Variants in KIAA1549 observed in about 807,000 individuals in gnomAD.
KIAA1549 encodes the protein UPF0606 protein KIAA1549.
KIAA1549 carries 70 observed loss-of-function variants against 156.4 expected under a neutral mutation model. The observed-to-expected ratio is 0.45, with a 90% confidence interval of 0.37 to 0.55. The LOEUF (loss-of-function observed/expected upper bound fraction) is 0.55. Among genes scored for constraint, KIAA1549 ranks in the 20% least tolerant of loss-of-function variants. The pLI, the probability that KIAA1549 is intolerant of heterozygous loss-of-function variation, is 0.00. For missense variants in KIAA1549, 2,428 were observed against 2,540.9 expected (o/e 0.96, Z 0.96); for synonymous variants, 1,103 against 1,066.4 (o/e 1.03, Z -0.67).
chr7:138,874,946 G>C (rs1479228500), intron 12 of KIAA1549, among the ~76,000 whole-genome samples: 1 of 152,106 alleles, frequency 6.6e-6, no homozygotes, highest in East Asian at 1.9e-4. Context: ...AGTGAGCCAT[G>C]ACTGCACCAC....
In KIAA1549 at chr7:138,833,466, G is replaced by T. The variant is rs536839080; in HGVS notation, c.*4440C>A. ...TCCTATAGCACAGAACCGCGTGCTG[G>T]CTTTAGCCCAAAGCCTTTAGCGCCT... On this transcript the variant is annotated 3_prime_UTR_variant, in exon 20 of 20. Transcript: ENST00000422774. 6.4e-5 allele frequency: 15 copies of T among 232,692 alleles called. No homozygotes were observed. Among genetic ancestry groups the T allele is most frequent in the African/African-American group, 3.3e-4 (15 of 45,434 alleles). 14.4% of individuals were successfully genotyped at this position (232,692 alleles called of 1,614,324 possible).
At chr7:138,980,348 C>T (rs1814508693) in intron 1 of KIAA1549, among the ~76,000 whole-genome samples, 1 of 152,236 alleles carries the variant, frequency 6.6e-6, no homozygotes, top group African/African-American at 2.4e-5. Flanking sequence ...ACAACAAAAC[C>T]CTTATGCTTC....
intron 1 of KIAA1549, among the ~76,000 whole-genome samples, chr7:138,924,485 A>C (rs1258527425): frequency 6.6e-6 from 1 of 152,184 alleles, no homozygotes; most frequent in Non-Finnish European, 1.5e-5. Context: ...TTTAGTGGCT[A>C]ATTTATGAAC....
intron 10 of KIAA1549, among the ~76,000 whole-genome samples, chr7:138,887,070 T>C (rs981662143): frequency 6.6e-6 from 1 of 152,034 alleles, no homozygotes; most frequent in African/African-American, 2.4e-5. Flanking sequence ...TCTGGCTAAC[T>C]TTTATGTACA....
At chr7:138,885,300 C>G (rs139674381) in intron 10 of KIAA1549, among the ~76,000 whole-genome samples, 1 of 152,118 alleles carries the variant, frequency 6.6e-6, no homozygotes, top group Non-Finnish European at 1.5e-5. Flanking sequence ...AGGGGTCCCA[C>G]GTAGGGCAGA....
chr7:138,914,344 A>G (rs1267089969), intron 2 of KIAA1549, among the ~76,000 whole-genome samples: 1 of 152,216 alleles, frequency 6.6e-6, no homozygotes, highest in East Asian at 1.9e-4. Context: ...TCCTAAATGA[A>G]TGTTTCCCAG....
chr7:138,850,059 T>C (rs530761754), intron 17 of KIAA1549, among the ~76,000 whole-genome samples: 52 of 152,350 alleles, frequency 3.4e-4, no homozygotes, highest in African/African-American at 1.2e-3. Context: ...GAACAATTTA[T>C]ATTCCTTTGT....
intron 17 of KIAA1549, among the ~76,000 whole-genome samples, chr7:138,851,279 G>T (rs1810224426): frequency 6.6e-6 from 1 of 151,612 alleles, no homozygotes; most frequent in Non-Finnish European, 1.5e-5. Flanking sequence ...CCTTCTTTTG[G>T]ATTATCTTTA....
chr7:138,903,792 A>AGTGT (rs55745123), intron 7 of KIAA1549, 56 bp from the exon 8 acceptor site: 333 of 1,197,106 alleles, frequency 2.8e-4, no homozygotes, highest in Admixed American at 1.2e-3. Context: ...GTAAAAAAAC[A>AGTGT]GTGTGTGTGT....
At chr7:138,870,862 G>T (rs1469752542) in intron 13 of KIAA1549, among the ~76,000 whole-genome samples, 1 of 152,182 alleles carries the variant, frequency 6.6e-6, no homozygotes, top group African/African-American at 2.4e-5. Flanking sequence ...CTGTCAACCA[G>T]GCTGGAGTGC....
At chr7:138,848,032 T>C (rs192431531) in intron 17 of KIAA1549, among the ~76,000 whole-genome samples, 70 of 152,380 alleles carry the variant, frequency 4.6e-4, no homozygotes, top group African/African-American at 1.6e-3. Context: ...TGATTTTACA[T>C]CGTTATTTTG....
intron 15 of KIAA1549, among the ~76,000 whole-genome samples, chr7:138,861,679 C>G (rs537016930): frequency 2.0e-5 from 3 of 149,512 alleles, no homozygotes; most frequent in South Asian, 2.1e-4. Context: ...AAGTGAGACC[C>G]CCCCCATCTC....
intron 1 of KIAA1549, among the ~76,000 whole-genome samples, chr7:138,963,900 G>A (rs777917206): frequency 6.6e-6 from 1 of 152,162 alleles, no homozygotes; most frequent in African/African-American, 2.4e-5. Flanking sequence ...GATCCAGGAC[G>A]TGATAAAAGA....
intron 2 of KIAA1549, among the ~76,000 whole-genome samples, chr7:138,913,122 C>T (rs10235212): frequency 0.33 from 50,252 of 151,956 alleles, 9,132 homozygotes; most frequent in African/African-American, 0.47. Context: ...GACCCACCTG[C>T]CTCAGCCTCC....
At chr7:138,951,476 C>T (rs1342894553) in intron 1 of KIAA1549, among the ~76,000 whole-genome samples, 1 of 152,192 alleles carries the variant, frequency 6.6e-6, no homozygotes, top group Non-Finnish European at 1.5e-5. Flanking sequence ...CCTCTCCCCG[C>T]ACGTTCTCTC....
intron 8 of KIAA1549, among the ~76,000 whole-genome samples, chr7:138,901,576 C>T (rs1411630221): frequency 1.3e-5 from 2 of 152,078 alleles, no homozygotes; most frequent in Non-Finnish European, 2.9e-5. Context: ...TCCACCTGCT[C>T]GGCCTCCCAA....
chr7:138,861,099 C>T (rs774754243), intron 16 of KIAA1549, 40 bp downstream of exon 16: 1 of 1,599,066 alleles, frequency 6.3e-7, no homozygotes. Flanking sequence ...AAAGCTTCAA[C>T]ATCTTGCCCA....
intron 5 of KIAA1549, 65 bp downstream of exon 5, chr7:138,908,922 TAAAC>T: frequency 3.8e-6 from 6 of 1,585,356 alleles, no homozygotes; most frequent in Non-Finnish European, 5.2e-6. Context: ...AAGCACATCT[TAAAC>T]AATGTGGAAC....
At chr7:138,930,537 T>C (rs945089811) in intron 1 of KIAA1549, among the ~76,000 whole-genome samples, 5 of 152,272 alleles carry the variant, frequency 3.3e-5, no homozygotes, top group Admixed American at 1.3e-4. Flanking sequence ...GATAATTTGC[T>C]GTTACACCTT....
Sources: gnomAD v4.1 joint callset for allele counts (sites outside exome capture counted in the v4.1 genomes callset) on GRCh38, gnomAD v4.1.1 for gene constraint, MANE v1.5 for transcripts, NCBI Gene and HGNC (gene_info 2026-07-23, HGNC 2026-07-21) for gene names.